Variants in PDE12 observed in about 807,000 individuals in gnomAD.
PDE12 encodes 2',5'-phosphodiesterase 12.
Under a neutral mutation model 45.4 loss-of-function variants are expected in PDE12, and 26 were observed. That is an observed-to-expected ratio of 0.57 (90% CI 0.42 to 0.79). The LOEUF (loss-of-function observed/expected upper bound fraction) is 0.79. PDE12 is among the 30% of genes least tolerant of loss of function. The pLI is 0.00. For missense variants in PDE12, 668 were observed against 790.0 expected (o/e 0.85, Z 1.85); for synonymous variants, 283 against 323.9 (o/e 0.87, Z 1.36).
chr3:57,570,450 T>C (rs1269686533), downstream of PDE12, among the ~76,000 whole-genome samples: 1 of 149,558 alleles, frequency 6.7e-6, no homozygotes, highest in Non-Finnish European at 1.5e-5. Context: ...ACTCCTGAGC[T>C]CAGGCAATCT....
the PDE12 span, chr3:57,631,036 T>C: frequency 1.2e-5 from 19 of 1,530,084 alleles, no homozygotes; most frequent in Non-Finnish European, 1.6e-5. Context: ...TAAACAGACC[T>C]ACTTAAAAGG....
rs1183893526 is a variant in PDE12, at chr3:57,560,090, T to C, written c.*86T>C. On this transcript the variant is annotated 3_prime_UTR_variant, in exon 3 of 3. Transcript: ENST00000311180. ...TATGAATCAAAGCTTATATGTAAAC[T>C]TCAAGGAGGAATGGTAAAATGTTCA... is the stretch of plus-strand genomic sequence containing the variant. 11 of 1,496,592 alleles carry C rather than the reference T, an allele frequency of 7.4e-6. No homozygotes were observed. Among genetic ancestry groups the C allele is most frequent in the African/African-American group, 1.4e-5 (1 of 71,316 alleles). 92.7% of individuals were successfully genotyped at this position (1,496,592 alleles called of 1,614,324 possible). A position where few individuals can be genotyped will look rare whatever the true frequency, so the allele number is the denominator to read the frequency against.
chr3:57,611,625 C>G, the PDE12 span, among the ~76,000 whole-genome samples: 1 of 152,128 alleles, frequency 6.6e-6, no homozygotes. Flanking sequence ...ACAACAGACA[C>G]ATGAAAAAAT....
chr3:57,571,742 G>C (rs2069845041), downstream of PDE12: 1 of 158,714 alleles, frequency 6.3e-6, no homozygotes, highest in Non-Finnish European at 1.4e-5. Context: ...TAGTGTTTTG[G>C]ATCTTTCTCT....
the PDE12 span, chr3:57,584,186 C>A: frequency 1.4e-6 from 1 of 702,734 alleles, no homozygotes; most frequent in East Asian, 2.7e-5. Context: ...TGGTCTTGAA[C>A]TCCTGGGCTC....
At chr3:57,644,211 C>T in the PDE12 span, among the ~76,000 whole-genome samples, 2 of 150,052 alleles carry the variant, frequency 1.3e-5, no homozygotes, top group Admixed American at 1.3e-4. Context: ...ACCTAGCGAA[C>T]ACCAACATTT....
chr3:57,597,332 C>T, the PDE12 span: 7 of 530,928 alleles, frequency 1.3e-5, no homozygotes, highest in Non-Finnish European at 2.4e-5. Context: ...GGTAGAGGAC[C>T]TGCTAGGCGA....
the PDE12 span, among the ~76,000 whole-genome samples, chr3:57,587,319 C>CAAAAAAA: frequency 8.8e-5 from 4 of 45,368 alleles, no homozygotes; most frequent in African/African-American, 1.5e-4. Flanking sequence ...AACTCAGTCT[C>CAAAAAAA]AAAAAAAAAA....
the PDE12 span, among the ~76,000 whole-genome samples, chr3:57,623,524 C>T: frequency 1.3e-5 from 2 of 151,840 alleles, no homozygotes; most frequent in East Asian, 3.9e-4. Flanking sequence ...ACTAAAAGTA[C>T]AAAAATTAGC....
chr3:57,571,123 G>A (rs543803903), downstream of PDE12, among the ~76,000 whole-genome samples: 11 of 152,158 alleles, frequency 7.2e-5, no homozygotes, highest in Admixed American at 2.0e-4. Flanking sequence ...GATTACAGGC[G>A]TGAGCCACCA....
chr3:57,620,460 T>C, the PDE12 span, among the ~76,000 whole-genome samples: 47 of 152,160 alleles, frequency 3.1e-4, no homozygotes, highest in Middle Eastern at 3.4e-3. Context: ...CTATTCAACA[T>C]TGCATTGGGG....
the PDE12 span, among the ~76,000 whole-genome samples, chr3:57,574,192 G>C: frequency 1.7e-3 from 262 of 152,152 alleles, 2 homozygotes; most frequent in Middle Eastern, 0.031. Flanking sequence ...ACCCACCTCA[G>C]CCTCCTAAAG....
chr3:57,651,196 A>T, the PDE12 span, among the ~76,000 whole-genome samples: 9 of 152,238 alleles, frequency 5.9e-5, no homozygotes, highest in Non-Finnish European at 1.2e-4. Context: ...AGCAGTACGC[A>T]TTCAGTATGC....
At chr3:57,575,170 C>A in the PDE12 span, among the ~76,000 whole-genome samples, 5 of 152,054 alleles carry the variant, frequency 3.3e-5, no homozygotes, top group Non-Finnish European at 7.4e-5. Flanking sequence ...ACTTTTAAAA[C>A]AAGCAAACAA....
chr3:57,639,257 C>CA, the PDE12 span, among the ~76,000 whole-genome samples: 1 of 152,168 alleles, frequency 6.6e-6, no homozygotes, highest in South Asian at 2.1e-4. Context: ...ATGAAAATGA[C>CA]AACATCAAAT....
the PDE12 span, among the ~76,000 whole-genome samples, chr3:57,586,930 C>T: frequency 6.6e-6 from 1 of 151,982 alleles, no homozygotes; most frequent in Non-Finnish European, 1.5e-5. Context: ...AACTGAGACG[C>T]TGATTAAGAA....
At chr3:57,641,424 T>A in the PDE12 span, among the ~76,000 whole-genome samples, 1 of 147,956 alleles carries the variant, frequency 6.8e-6, no homozygotes, top group African/African-American at 2.5e-5. Context: ...ATATTATTAT[T>A]CTATAATAAT....
the PDE12 span, among the ~76,000 whole-genome samples, chr3:57,631,863 C>G: frequency 6.6e-6 from 1 of 150,502 alleles, no homozygotes; most frequent in African/African-American, 2.4e-5. Context: ...GCTGGGATTA[C>G]AGGCGCCCAC....
At chr3:57,618,418 T>TTTTG in the PDE12 span, among the ~76,000 whole-genome samples, 4 of 151,806 alleles carry the variant, frequency 2.6e-5, no homozygotes, top group African/African-American at 9.7e-5. Flanking sequence ...GGTAGATCTT[T>TTTTG]TTTGTTTGTT....
Sources: allele counts gnomAD v4.1 joint callset (sites outside exome capture counted in the v4.1 genomes callset), GRCh38; gene constraint gnomAD v4.1.1; transcripts MANE v1.5; gene names NCBI Gene and HGNC (gene_info 2026-07-23, HGNC 2026-07-21).